The following ARPP19 variants were observed in gnomAD, a reference collection of about 807,000 sequenced individuals.
ARPP19 encodes cAMP-regulated phosphoprotein 19.
In ARPP19, 8 loss-of-function variants were observed where a neutral mutation model predicts 12.0. The ratio of observed to expected loss-of-function variants is 0.67; its 90% CI spans 0.39 to 1.21. The LOEUF (loss-of-function observed/expected upper bound fraction) is 1.21, where lower values mean the gene tolerates loss of function less well. ARPP19 is among the 50% of genes most tolerant of loss of function. The probability of loss-of-function intolerance (pLI) is 0.01; values close to 1 mark genes in which losing one functional copy is unlikely to be tolerated. For synonymous variants in ARPP19, 47 were observed against 50.4 expected (o/e 0.93, Z 0.29); for missense variants, 102 against 136.3 (o/e 0.75, Z 1.25).
chr15:52,562,495 G>A (rs890440834), intron 1 of ARPP19, among the ~76,000 whole-genome samples: 1 of 151,996 alleles, frequency 6.6e-6, no homozygotes, highest in African/African-American at 2.4e-5. Flanking sequence ...TAAGACCTTG[G>A]CCTTTACAAA....
chr15:52,557,070 A>C (rs770006359), intron 2 of ARPP19, 30 bp downstream of exon 2: 1 of 1,608,430 alleles, frequency 6.2e-7, no homozygotes, highest in Non-Finnish European at 8.5e-7. Context: ...GTAGGGCTTA[A>C]GTATTTGGAA....
intron 2 of ARPP19, among the ~76,000 whole-genome samples, chr15:52,556,028 C>T (rs1228988513): frequency 2.6e-5 from 4 of 151,992 alleles, no homozygotes; most frequent in Non-Finnish European, 1.5e-5. Context: ...TTATATATTT[C>T]ATGGTACGGG....
At chr15:52,554,205 G>C (rs570593011) in intron 2 of ARPP19, among the ~76,000 whole-genome samples, 19 of 152,230 alleles carry the variant, frequency 1.2e-4, no homozygotes, top group African/African-American at 4.3e-4. Context: ...AGTTTCTAAT[G>C]TAAGTAATTT....
Position 52,568,887 on chromosome 15 carries a change from A to C in ARPP19, c.6T>G (p.Ser2=). ...CGGAGGCTGCCTCGGGGACTTCCGC[A>C]GACATAGTGCTCCCTCTGCAGACGA... The part of the protein sequence containing the change: M[S]AEVPEAASAE... Residue 2 remains serine (S), a synonymous_variant, in exon 1 of 3, where the codon TCT becomes TCG. Coordinates refer to ENST00000249822, the MANE Select transcript of ARPP19 (RefSeq NM_006628.6). The C allele has an allele frequency of 6.4e-7, 1 of 1,570,812 alleles. No homozygotes were observed. Among genetic ancestry groups the C allele is most frequent in the Non-Finnish European group, 8.6e-7 (1 of 1,161,990 alleles).
At position 52,569,016 on chromosome 15, in the gene ARPP19, C is replaced by A; in HGVS notation, c.-124G>T. 1.5e-6 allele frequency: 1 copy of A among 682,930 alleles called. No homozygotes were observed. The highest frequency in any genetic ancestry group is 1.7e-5 in the South Asian group (1 of 57,600). The allele number at this position is 682,930 out of a possible 1,614,324, so 42.3% of individuals were successfully genotyped here. ...GGGCCGCCTCCGCCCGCGAAAATGG[C>A]CGCCGCCTTATGACGACACGGAGCC... On this transcript the variant is annotated 5_prime_UTR_variant, in exon 1 of 3. Transcript: ENST00000249822.
At position 52,568,840 on chromosome 15, in the gene ARPP19, G is replaced by A. The variant is rs539814078; in HGVS notation, c.45+8C>T. ...GCAGGGCCCAGGGCTCACGCCCCGC[G>A]CGCTCACCTTCTGCTCCTCCGCGGA... On this transcript the variant is annotated splice_region_variant and intron_variant, in intron 1 of 2. Coordinates refer to ENST00000249822, the MANE Select transcript of ARPP19 (RefSeq NM_006628.6). The A allele has an allele frequency of 7.6e-6, 12 of 1,569,080 alleles. No homozygotes were observed. Among genetic ancestry groups the A allele is most frequent in the African/African-American group, 7.1e-5 (5 of 70,424 alleles).
chr15:52,558,731 A>G (rs542715272), intron 1 of ARPP19, among the ~76,000 whole-genome samples: 3 of 152,010 alleles, frequency 2.0e-5, no homozygotes, highest in South Asian at 2.1e-4. Context: ...TGAAAGAAAA[A>G]AAAACTTCAT....
intron 1 of ARPP19, chr15:52,564,317 GTGGGAGGC>G (rs1182064168): frequency 8.6e-7 from 1 of 1,167,128 alleles, no homozygotes; most frequent in Non-Finnish European, 1.2e-6. Context: ...GGAGGCTGAG[GTGGGAGGC>G]TAGGTGAACC....
chr15:52,557,126 A>T lies in ARPP19; in HGVS notation c.142T>A (p.Phe48Ile), dbSNP rs546162210. 1.3e-5 allele frequency: 21 copies of T among 1,612,362 alleles called. No individual in the cohort carries two copies. The highest frequency in any genetic ancestry group is 6.6e-5 in the South Asian group (6 of 91,008). The change falls in exon 2 of 3, where the codon TTC (phenylalanine) becomes ATC (isoleucine). Residue 48 changes from phenylalanine (F) to isoleucine (I), a missense_variant. Phe to Ile is a conservative substitution (Grantham distance 21). Transcript: ENST00000249822. ...HLGQKPGGSD[F>I]LRKRLQKGQK... ...CCTTTCTGCAACCGTTTCCTTAAGAAATCTGAACCTCCAGGCTTTTGTCCC... is the reference window on the plus strand; with the variant it reads ...CCTTTCTGCAACCGTTTCCTTAAGATATCTGAACCTCCAGGCTTTTGTCCC...
intron 2 of ARPP19, among the ~76,000 whole-genome samples, chr15:52,556,438 T>C (rs921568040): frequency 1.3e-5 from 2 of 152,156 alleles, no homozygotes; most frequent in African/African-American, 4.8e-5. Flanking sequence ...TGAGAAATAA[T>C]GGTATCTACC....
chr15:52,562,171 A>C (rs1789400893), intron 1 of ARPP19, among the ~76,000 whole-genome samples: 1 of 152,166 alleles, frequency 6.6e-6, no homozygotes, highest in Non-Finnish European at 1.5e-5. Flanking sequence ...CAGCTTCCTC[A>C]ATTATTGATA....
At position 52,552,999 on chromosome 15, in the gene ARPP19, C is replaced by T. The variant is rs562303060; in HGVS notation, c.169-895G>A. On this transcript the variant is annotated intron_variant, in intron 2 of 2. Coordinates refer to ENST00000249822, the MANE Select transcript of ARPP19 (RefSeq NM_006628.6). Reference sequence around the variant, plus strand: ...GGCTGAGACAAGAGAATCGCTTGAACCCGGGGTGTGGAGGTTGCAGAGAGC... The same window carrying T: ...GGCTGAGACAAGAGAATCGCTTGAATCCGGGGTGTGGAGGTTGCAGAGAGC... Among the ~76,000 whole-genome samples, 4 of 152,234 alleles carry T rather than the reference C, an allele frequency of 2.6e-5. No individual in the cohort carries two copies. The South Asian group carries it at 8.3e-4, about 32-fold the overall frequency.
chr15:52,559,928 G>A (rs949665079), intron 1 of ARPP19, among the ~76,000 whole-genome samples: 3 of 152,322 alleles, frequency 2.0e-5, no homozygotes, highest in African/African-American at 4.8e-5. Flanking sequence ...AATTAAGGGT[G>A]TTACTGGAGT....
At chr15:52,558,312 T>C (rs1042636780) in intron 1 of ARPP19, among the ~76,000 whole-genome samples, 3 of 151,816 alleles carry the variant, frequency 2.0e-5, no homozygotes, top group Non-Finnish European at 2.9e-5. Context: ...TAGCCGGGCA[T>C]GATGGTACAT....
At chr15:52,569,202 T>C (rs2078118828), upstream of ARPP19, 1 of 402,474 alleles carries the variant, frequency 2.5e-6, no homozygotes. Context: ...TCACATCCGT[T>C]TGTGGCTGCC....
chr15:52,566,093 A>G (rs985989516), intron 1 of ARPP19, among the ~76,000 whole-genome samples: 4 of 151,880 alleles, frequency 2.6e-5, no homozygotes, highest in African/African-American at 9.7e-5. Flanking sequence ...TGACCTCATG[A>G]TCCGCCAGCC....
intron 1 of ARPP19, among the ~76,000 whole-genome samples, chr15:52,562,430 G>C (rs2078042498): frequency 6.6e-6 from 1 of 152,024 alleles, no homozygotes; most frequent in Non-Finnish European, 1.5e-5. Flanking sequence ...GGTTAAAAAA[G>C]AAAGCACGAG....
chr15:52,557,671 C>G (rs2077993262), intron 1 of ARPP19: 1 of 152,028 alleles, frequency 6.6e-6, no homozygotes, highest in Admixed American at 6.5e-5. Flanking sequence ...TTAACAGCAG[C>G]CTACTTATCA....
rs150481815 is a variant in ARPP19 at position 52,558,710 on chromosome 15, T to C, written c.46-1488A>G. 3.7e-3 allele frequency among the ~76,000 whole-genome samples: 559 copies of C among 151,152 alleles called. 3 individuals carry two copies. Among genetic ancestry groups the C allele is most frequent in the African/African-American group, 0.013 (524 of 41,078 alleles). The stretch of plus-strand genomic sequence containing the variant: ...TTATATAGCAAGCAAACCATTTATC[T>C]ATCTAAGCACTGAAAGAAAAAAAAA... On this transcript the variant is annotated intron_variant, in intron 1 of 2. Transcript: ENST00000249822.
Sources: allele counts gnomAD v4.1 joint callset (sites outside exome capture counted in the v4.1 genomes callset), GRCh38; gene constraint gnomAD v4.1.1; transcripts MANE v1.5; gene names NCBI Gene and HGNC (gene_info 2026-07-23, HGNC 2026-07-21).